The following ZNF143 variants were observed in gnomAD, a reference collection of about 807,000 sequenced individuals.
ZNF143 encodes SPH-binding factor.
Under a neutral mutation model 74.1 loss-of-function variants are expected in ZNF143, and 49 were observed. The ratio of observed to expected loss-of-function variants is 0.66; its 90% CI spans 0.53 to 0.84. The LOEUF (loss-of-function observed/expected upper bound fraction) is 0.84, where lower values mean the gene tolerates loss of function less well. ZNF143 is among the 40% of genes least tolerant of loss of function. The probability of loss-of-function intolerance (pLI) is 0.00; values close to 1 mark genes in which losing one functional copy is unlikely to be tolerated. For synonymous variants in ZNF143, 304 were observed against 282.8 expected (o/e 1.07, Z -0.75); for missense variants, 637 against 793.4 (o/e 0.80, Z 2.37).
chr11:9,523,874 C>G (rs1019275429), intron 14 of ZNF143, among the ~76,000 whole-genome samples: 2 of 151,382 alleles, frequency 1.3e-5, no homozygotes, highest in Admixed American at 6.6e-5. Flanking sequence ...TTGGAGAAAC[C>G]CTGTTTCTAC....
chr11:9,513,087 T>G (rs1301083333), intron 13 of ZNF143, among the ~76,000 whole-genome samples: 1 of 152,238 alleles, frequency 6.6e-6, no homozygotes, highest in Non-Finnish European at 1.5e-5. Context: ...GTGTAATGGT[T>G]GTTCTCTGTT....
intron 7 of ZNF143, among the ~76,000 whole-genome samples, chr11:9,486,387 A>AATATATATAATATATTATATATATT (rs1847500551): frequency 5.6e-5 from 1 of 18,002 alleles, no homozygotes; most frequent in Non-Finnish European, 1.0e-4. Context: ...TTATATATAT[A>AATATATATAATATATTATATATATT]ATATATATAA....
intron 15 of ZNF143, 142 bp downstream of exon 15, chr11:9,525,528 G>A (rs762107444): frequency 5.2e-6 from 6 of 1,144,628 alleles, no homozygotes; most frequent in African/African-American, 4.6e-5. Context: ...TAAGGAAATC[G>A]GTGTATTTGA....
intron 4 of ZNF143, 68 bp from the exon 5 acceptor site, chr11:9,474,482 T>C: frequency 5.4e-6 from 8 of 1,480,768 alleles, no homozygotes; most frequent in Non-Finnish European, 6.6e-6. Flanking sequence ...TATTGACTCT[T>C]GTTGCTAAGT....
chr11:9,462,776 G>C (rs1026981772), intron 1 of ZNF143, among the ~76,000 whole-genome samples: 1 of 152,122 alleles, frequency 6.6e-6, no homozygotes, highest in Non-Finnish European at 1.5e-5. Flanking sequence ...TCTGGAAGCT[G>C]AGGCAGGAGA....
At chr11:9,525,854 A>C (rs189686690) in intron 15 of ZNF143, among the ~76,000 whole-genome samples, 2 of 152,146 alleles carry the variant, frequency 1.3e-5, no homozygotes, top group African/African-American at 4.8e-5. Context: ...TTAGAATCTT[A>C]GGTGCAGCCG....
At chr11:9,486,396 A>ATATAATTATATAT (rs1245802133) in intron 7 of ZNF143, among the ~76,000 whole-genome samples, 27 of 11,914 alleles carry the variant, frequency 2.3e-3, no homozygotes, top group South Asian at 7.1e-3. Flanking sequence ...TAATATATAT[A>ATATAATTATATAT]ATATATTATA....
At chr11:9,486,378 T>A (rs868073421) in intron 7 of ZNF143, among the ~76,000 whole-genome samples, 3,070 of 36,166 alleles carry the variant, frequency 0.085, 325 homozygotes, top group Non-Finnish European at 0.12. Context: ...TATAATATAT[T>A]ATATATATAA....
At chr11:9,470,506 G>A (rs1189006801) in intron 1 of ZNF143, among the ~76,000 whole-genome samples, 2 of 114,246 alleles carry the variant, frequency 1.8e-5, no homozygotes, top group African/African-American at 7.1e-5. Flanking sequence ...AAGAGGGTAG[G>A]GAATGAATAA....
chr11:9,467,845 CAAAAAAAAAA>C (rs971001404), intron 1 of ZNF143, among the ~76,000 whole-genome samples: 15 of 79,916 alleles, frequency 1.9e-4, no homozygotes, highest in Non-Finnish European at 2.6e-4. Context: ...ACTCCATCTC[CAAAAAAAAAA>C]AAAAAAAAAA....
chr11:9,494,824 A>G (rs1589906401), intron 8 of ZNF143, 59 bp downstream of exon 8: 1 of 1,517,128 alleles, frequency 6.6e-7, no homozygotes, highest in Admixed American at 1.9e-5. Context: ...TTAAATACTA[A>G]GATCATATTT....
intron 7 of ZNF143, among the ~76,000 whole-genome samples, chr11:9,487,071 A>G (rs1196211358): frequency 1.4e-5 from 2 of 147,902 alleles, no homozygotes; most frequent in African/African-American, 5.1e-5. Flanking sequence ...GGTTCAAGCA[A>G]TTCTCCTGCC....
intron 7 of ZNF143, among the ~76,000 whole-genome samples, chr11:9,488,205 G>T (rs1847635231): frequency 6.6e-6 from 1 of 152,100 alleles, no homozygotes; most frequent in African/African-American, 2.4e-5. Context: ...ACCTGAGATT[G>T]CACCACTGCA....
At chr11:9,499,849 A>G (rs140964131) in intron 10 of ZNF143, among the ~76,000 whole-genome samples, 24 of 152,366 alleles carry the variant, frequency 1.6e-4, no homozygotes, top group East Asian at 1.2e-3. Flanking sequence ...TGAGAATCAA[A>G]AGCAAAGGCT....
chr11:9,486,211 A>G (rs768389609), intron 7 of ZNF143, among the ~76,000 whole-genome samples: 4 of 146,178 alleles, frequency 2.7e-5, no homozygotes, highest in Non-Finnish European at 5.9e-5. Flanking sequence ...CATAAATGCA[A>G]CTGCTCAATA....
intron 14 of ZNF143, among the ~76,000 whole-genome samples, chr11:9,523,598 A>G (rs1238561422): frequency 3.3e-5 from 5 of 151,682 alleles, no homozygotes; most frequent in East Asian, 1.9e-4. Context: ...GCTGGGCGTG[A>G]TGGCGGGCGC....
intron 7 of ZNF143, among the ~76,000 whole-genome samples, chr11:9,486,351 ATTATAT>A (rs1309775566): frequency 3.3e-5 from 2 of 61,220 alleles, no homozygotes; most frequent in East Asian, 6.2e-4. Context: ...TTATATATAT[ATTATAT>A]ATATATTATA....
chr11:9,490,523 T>C (rs1046830993), intron 7 of ZNF143, among the ~76,000 whole-genome samples: 6 of 151,680 alleles, frequency 4.0e-5, no homozygotes, highest in East Asian at 2.0e-4. Flanking sequence ...TGGGCTCAAG[T>C]GATCCACCTG....
At chr11:9,465,810 T>TTTTG (rs974536529) in intron 1 of ZNF143, among the ~76,000 whole-genome samples, 48 of 151,960 alleles carry the variant, frequency 3.2e-4, no homozygotes, top group Non-Finnish European at 4.9e-4. Flanking sequence ...GTTTTTTGTT[T>TTTTG]TTTGTTTGTT....
Sources: allele counts gnomAD v4.1 joint callset (sites outside exome capture counted in the v4.1 genomes callset), GRCh38; gene constraint gnomAD v4.1.1; transcripts MANE v1.5; gene names NCBI Gene and HGNC (gene_info 2026-07-23, HGNC 2026-07-21).